The following PLD2 variants were observed in gnomAD, a reference collection of about 807,000 sequenced individuals.
PLD2 encodes the protein phospholipase D2.
PLD2 carries 101 observed loss-of-function variants against 119.8 expected under a neutral mutation model. The ratio of observed to expected loss-of-function variants is 0.84; its 90% confidence interval spans 0.72 to 0.99. The LOEUF is 0.99. Among genes scored for constraint, PLD2 ranks in the 50% least tolerant of loss-of-function variants. The pLI is 0.00. For synonymous variants in PLD2, 494 were observed against 482.8 expected, an observed-to-expected ratio of 1.02 and a Z score of -0.30; for missense variants, 1,164 against 1,226.8, an observed-to-expected ratio of 0.95 and a Z score of 0.76.
chr17:4,815,685 T>C, intron 13 of PLD2, 79 bp from the exon 14 acceptor site: 13 of 1,598,150 alleles, frequency 8.1e-6, no homozygotes, highest in African/African-American at 1.3e-5. Flanking sequence ...CATCTTTCCA[T>C]CTTTCCTCTC....
At position 4,818,328 on chromosome 17, in the gene PLD2, G is replaced by A. The variant is rs374092359; in HGVS notation, c.1952G>A (p.Arg651Gln). The change falls in exon 19 of 25, where the codon CGG becomes CAG. Residue 651 changes from arginine (R) to glutamine (Q), a missense_variant. Coordinates refer to ENST00000263088, the MANE Select transcript of PLD2 (RefSeq NM_002663.5). ...TTCTTCATTAGCTGCTCAGATGGGC[G>A]GACGGTTCTGAACAAGGTGGGCGAT... ...NQFFISCSDG[R>Q]TVLNKVGDEI... 58 of 1,613,974 alleles carry A rather than the reference G, an allele frequency of 3.6e-5. No individual in the cohort carries two copies. The highest frequency in any genetic ancestry group is 1.8e-4 in the South Asian group (16 of 91,084).
intron 17 of PLD2, 46 bp downstream of exon 17, chr17:4,817,305 C>G: frequency 8.3e-7 from 1 of 1,201,782 alleles, no homozygotes; most frequent in Non-Finnish European, 1.2e-6. Context: ...TCTCCTTCAG[C>G]CTAACACCCC....
chr17:4,814,370 T>C lies in PLD2; in HGVS notation c.1011-48T>C, dbSNP rs1302039346. 1.9e-6 allele frequency: 3 copies of C among 1,571,926 alleles called. No homozygotes were observed. The African/African-American group carries it at 4.1e-5, about 21-fold the overall frequency. On this transcript the variant is annotated intron_variant, in intron 10 of 24. Coordinates refer to ENST00000263088, the MANE Select transcript of PLD2 (RefSeq NM_002663.5). ...TCCTCCGGTCTTCACTCTCCAGAGC[T>C]TTCTGGCTTCTGACTCCCCTGACCT...
In PLD2 at chr17:4,819,563, C is replaced by G. The variant is rs1439764091; in HGVS notation, c.2443C>G (p.Leu815Val). 2 of 1,612,246 alleles carry G rather than the reference C, an allele frequency of 1.2e-6. No homozygotes were observed. Among genetic ancestry groups the G allele is most frequent in the East Asian group, 4.5e-5 (2 of 44,840 alleles). The change falls in exon 23 of 25, where the codon CTG becomes GTG. Residue 815 changes from leucine (L) to valine (V), a missense_variant. Transcript: ENST00000263088. This position sits in a 1 kb window ranked among gnomAD's most constrained non-coding sequence, Gnocchi z 4.2. ...EYQAGRFALS[L>V]RKHCFGVILG... ...TCAGGCGGGCAGGTTTGCCTTGAGTCTGCGGAAGCACTGCTTCGGGTAGAG... is the reference window on the plus strand; with the variant it reads ...TCAGGCGGGCAGGTTTGCCTTGAGTGTGCGGAAGCACTGCTTCGGGTAGAG...
intron 9 of PLD2, among the ~76,000 whole-genome samples, chr17:4,810,340 C>A (rs1239324576): frequency 1.3e-5 from 2 of 152,106 alleles, no homozygotes; most frequent in Non-Finnish European, 2.9e-5. Context: ...ATACTAGGAT[C>A]CAACTATGAG....
At chr17:4,820,070 G>A (rs559103481) in intron 23 of PLD2, among the ~76,000 whole-genome samples, 6 of 150,746 alleles carry the variant, frequency 4.0e-5, no homozygotes, top group Non-Finnish European at 7.4e-5. Context: ...TCAGCCTCCC[G>A]AGTAGCTGGG....
At chr17:4,820,573 C>CTT (rs1229147405) in intron 23 of PLD2, among the ~76,000 whole-genome samples, 7 of 111,698 alleles carry the variant, frequency 6.3e-5, no homozygotes, top group Non-Finnish European at 9.5e-5. Flanking sequence ...AAAAAAAAAT[C>CTT]TTTTTTTTTT....
Position 4,819,678 on chromosome 17 carries a change from G to A in PLD2, c.2462+96G>A. The A allele has an allele frequency of 1.7e-6, 2 of 1,203,228 alleles. No individual in the cohort carries two copies. The highest frequency in any genetic ancestry group is 2.3e-6 in the Non-Finnish European group (2 of 863,942). The allele number at this position is 1,203,228 out of a possible 1,614,324, so 74.5% of individuals were successfully genotyped here. A position where few individuals can be genotyped will look rare whatever the true frequency, so the allele number is the denominator to read the frequency against. ...GTAGCACCGCATAGGTACTCCCGGA[G>A]CCAGAGGTAGAGGCAGTACTAGATT... is the stretch of plus-strand genomic sequence containing the variant. On this transcript the variant is annotated intron_variant, in intron 23 of 24. Transcript: ENST00000263088. The surrounding 1 kb of genome is among the most constrained non-coding windows in gnomAD (Gnocchi z 4.2).
chr17:4,809,942 T>C lies in PLD2; in HGVS notation c.773T>C (p.Val258Ala). The C allele has an allele frequency of 6.2e-7, 1 of 1,614,176 alleles. No homozygotes were observed. Among genetic ancestry groups the C allele is most frequent in the South Asian group, 1.1e-5 (1 of 91,082 alleles). ...MCLETGAISF[V>A]QLFDPGFEVQ... ...CTCGAGACAGGTGCCATCTCATTTG[T>C]TCAGCTCTTTGACCCTGGCTTTGAG... The change falls in exon 9 of 25, where the codon GTT becomes GCT. Residue 258 changes from valine to alanine, a missense_variant. Val to Ala is a moderately conservative substitution (Grantham distance 64). Transcript: ENST00000263088.
Position 4,819,193 on chromosome 17 carries a change from C to T in PLD2, c.2283C>T (p.Ile761=), listed in dbSNP as rs368666661. 2.4e-5 allele frequency: 39 copies of T among 1,614,002 alleles called. 1 individual carries two copies. The highest frequency in any genetic ancestry group is 4.5e-5 in the East Asian group (2 of 44,892). ...TCTACATCCACAGCAAGGTGCTCAT[C>T]GCAGATGACCGGACAGTCATCATTG... ...ELIYIHSKVL[I]ADDRTVIIGS... The change falls in exon 22 of 25, where the codon ATC becomes ATT. Residue 761 remains isoleucine, a synonymous_variant. Transcript: ENST00000263088. This position sits in a 1 kb window ranked among gnomAD's most constrained non-coding sequence, Gnocchi z 4.2.
Position 4,810,020 on chromosome 17 carries a change from C to T in PLD2, c.851C>T (p.Thr284Ile), listed in dbSNP as rs763293763. Reference sequence around the variant, plus strand: ...GCACGGCACGGCGTGCGGATCGATACCTCCCACAGGTGAGGCCTCCCTGGG... The same window carrying T: ...GCACGGCACGGCGTGCGGATCGATATCTCCCACAGGTGAGGCCTCCCTGGG... ...TEARHGVRID[T>I]SHRSLILKCS... The change falls in exon 9 of 25, where the codon ACC becomes ATC. Residue 284 changes from threonine (T) to isoleucine (I), a missense_variant. Physicochemically the swap from Thr to Ile is moderately conservative, Grantham distance 89. Transcript: ENST00000263088. 3.7e-6 allele frequency: 6 copies of T among 1,612,744 alleles called. No individual in the cohort carries two copies. In the African/African-American group the frequency reaches 5.3e-5, roughly 14 times the overall value.
chr17:4,814,619 G>A lies in PLD2; in HGVS notation c.1095-14G>A, dbSNP rs969613715. 2 of 1,613,958 alleles carry A rather than the reference G, an allele frequency of 1.2e-6. No individual in the cohort carries two copies. The highest frequency in any genetic ancestry group is 3.3e-5 in the Admixed American group (2 of 59,994). On this transcript the variant is annotated splice_polypyrimidine_tract_variant and intron_variant, in intron 11 of 24. Coordinates refer to ENST00000263088, the MANE Select transcript of PLD2 (RefSeq NM_002663.5). ...GGGCTTCGTTTGCCCCTAATCCACT[G>A]CCCTGAATCCCAGGTTGAGTCCTGA...
rs920654860 is a variant in PLD2 at position 4,807,703 on chromosome 17, G to T, written c.-1-69G>T. 120 of 849,144 alleles carry T rather than the reference G, an allele frequency of 1.4e-4. No homozygotes were observed. Among genetic ancestry groups the T allele is most frequent in the Middle Eastern group, 3.0e-4 (1 of 3,376 alleles). The allele number at this position is 849,144 out of a possible 1,614,324, so 52.6% of individuals were successfully genotyped here. A position where few individuals can be genotyped will look rare whatever the true frequency, so the allele number is the denominator to read the frequency against. On this transcript the variant is annotated intron_variant, in intron 1 of 24. Transcript: ENST00000263088. This position sits in a 1 kb window ranked among gnomAD's most constrained non-coding sequence, Gnocchi z 5.4. Reference sequence around the variant, plus strand: ...AGGATCTGGAAGAGATGGAGGACCTGCGGGAGTTAGGATGGGGGGCGGGTT... The same window carrying T: ...AGGATCTGGAAGAGATGGAGGACCTTCGGGAGTTAGGATGGGGGGCGGGTT...
At chr17:4,822,523 C>A in intron 24 of PLD2, 117 bp from the exon 25 acceptor site, 1 of 651,294 alleles carries the variant, frequency 1.5e-6, no homozygotes, top group Non-Finnish European at 2.6e-6. Flanking sequence ...AGTTAGTGGC[C>A]CAGGGTCAAC....
At position 4,819,494 on chromosome 17, in the gene PLD2, G is replaced by A. The variant is rs369879187; in HGVS notation, c.2374G>A (p.Glu792Lys). 1.6e-5 allele frequency: 26 copies of A among 1,613,980 alleles called. No homozygotes were observed. Among genetic ancestry groups the A allele is most frequent in the Admixed American group, 3.3e-5 (2 of 59,974 alleles). ...KRDSELAVLI[E>K]DTETEPSLMN... ...GGACAGTGAGCTGGCCGTGCTGATC[G>A]AGGACACAGAGACGGAACCATCCCT... The change falls in exon 23 of 25, where the codon GAG (glutamate) becomes AAG (lysine). Residue 792 changes from glutamate to lysine, a missense_variant. Glu to Lys is a moderately conservative substitution (Grantham distance 56). Coordinates refer to ENST00000263088, the MANE Select transcript of PLD2 (RefSeq NM_002663.5). This position sits in a 1 kb window ranked among gnomAD's most constrained non-coding sequence, Gnocchi z 4.2.
chr17:4,809,822 G>T (rs1028491750), intron 8 of PLD2, 39 bp downstream of exon 8: 1 of 1,614,030 alleles, frequency 6.2e-7, no homozygotes, highest in Admixed American at 1.7e-5. Flanking sequence ...GTGGGTGGGG[G>T]TGAGGAAGAA....
At chr17:4,814,803 G>C in intron 12 of PLD2, 92 bp downstream of exon 12, 1 of 1,119,706 alleles carries the variant, frequency 8.9e-7, no homozygotes, top group Non-Finnish European at 1.3e-6. Flanking sequence ...TAGGCAGTCT[G>C]AGGCTTCAGG....
rs1372011854 is a variant in PLD2, at chr17:4,815,770, C to T, written c.1291C>T (p.Arg431Cys). The change falls in exon 14 of 25, where the codon CGT (arginine) becomes TGT (cysteine). Residue 431 changes from arginine to cysteine, a missense_variant. Coordinates refer to ENST00000263088, the MANE Select transcript of PLD2 (RefSeq NM_002663.5). Reference sequence around the variant, plus strand: ...CCCTCCATGCCTGCTCCAGGTGATGCGTCACCCAGACCAAGTGACGTTGTG... The same window carrying T: ...CCCTCCATGCCTGCTCCAGGTGATGTGTCACCCAGACCAAGTGACGTTGTG... ...MLLHPNIKVM[R>C]HPDQVTLWAH... 8.7e-6 allele frequency: 14 copies of T among 1,613,684 alleles called. No individual in the cohort carries two copies. Among genetic ancestry groups the T allele is most frequent in the Admixed American group, 6.7e-5 (4 of 59,934 alleles).
At chr17:4,815,431 A>G in intron 12 of PLD2, 45 bp from the exon 13 acceptor site, 1 of 1,163,042 alleles carries the variant, frequency 8.6e-7, no homozygotes, top group South Asian at 1.2e-5. Context: ...GAAAGGGGCT[A>G]CTCTGGGAGA....
Sources: allele counts gnomAD v4.1 joint callset (sites outside exome capture counted in the v4.1 genomes callset), GRCh38; gene constraint gnomAD v4.1.1; non-coding constraint Gnocchi (gnomAD v3.1); transcripts MANE v1.5; gene names NCBI Gene and HGNC (gene_info 2026-07-23, HGNC 2026-07-21).